The following DNAJC1 variants were observed in gnomAD, a reference collection of about 807,000 sequenced individuals.
DNAJC1 encodes DnaJ heat shock protein family (Hsp40) member C1, also known as dnaJ homolog subfamily C member 1.
Under a neutral mutation model 76.6 loss-of-function variants are expected in DNAJC1, and 58 were observed. That is an observed-to-expected ratio of 0.76 (90% CI 0.61 to 0.94). The LOEUF is 0.94. DNAJC1 is among the 40% of genes least tolerant of loss of function. The pLI, the probability that DNAJC1 is intolerant of heterozygous loss-of-function variation, is 0.00. For missense variants in DNAJC1, 689 were observed against 677.3 expected (o/e 1.02, Z -0.19); for synonymous variants, 258 against 267.9 (o/e 0.96, Z 0.36).
intron 8 of DNAJC1, among the ~76,000 whole-genome samples, chr10:21,837,569 T>A (rs561652217): frequency 1.3e-5 from 2 of 149,774 alleles, no homozygotes; most frequent in South Asian, 2.1e-4. Flanking sequence ...CGCGACCCCA[T>A]ATGGGAGGTG....
chr10:21,878,184 G>T (rs992101800), intron 8 of DNAJC1, among the ~76,000 whole-genome samples: 1 of 152,072 alleles, frequency 6.6e-6, no homozygotes, highest in Non-Finnish European at 1.5e-5. Context: ...GTTATTCAAG[G>T]TTTACAGTAT....
intron 8 of DNAJC1, among the ~76,000 whole-genome samples, chr10:21,859,245 G>A (rs908786210): frequency 1.3e-5 from 2 of 152,106 alleles, no homozygotes; most frequent in Non-Finnish European, 2.9e-5. Context: ...TACTAATGCC[G>A]ATTGAGCCAT....
intron 9 of DNAJC1, among the ~76,000 whole-genome samples, chr10:21,771,457 T>G (rs527438808): frequency 6.6e-6 from 1 of 152,300 alleles, no homozygotes; most frequent in Admixed American, 6.5e-5. Flanking sequence ...TTATTCCTAG[T>G]CTGCTGAGTG....
chr10:21,896,385 C>T (rs1836543106), intron 7 of DNAJC1, among the ~76,000 whole-genome samples: 1 of 152,194 alleles, frequency 6.6e-6, no homozygotes, highest in Non-Finnish European at 1.5e-5. Flanking sequence ...TCTCAGGCCT[C>T]AAAAATTAAT....
At chr10:21,818,607 G>C (rs1479459844) in intron 8 of DNAJC1, among the ~76,000 whole-genome samples, 1 of 152,084 alleles carries the variant, frequency 6.6e-6, no homozygotes. Flanking sequence ...GCCGACATGT[G>C]ATGTCTCCCC....
intron 1 of DNAJC1, among the ~76,000 whole-genome samples, chr10:21,998,345 G>A (rs1316387384): frequency 5.6e-5 from 8 of 142,158 alleles, no homozygotes; most frequent in African/African-American, 8.0e-5. Flanking sequence ...AGCCAAGATC[G>A]CGCCACTGCA....
intron 9 of DNAJC1, among the ~76,000 whole-genome samples, chr10:21,794,284 A>AAGAG (rs746061760): frequency 2.0e-5 from 3 of 149,514 alleles, no homozygotes; most frequent in Non-Finnish European, 4.4e-5. Context: ...AAAAAAAAAA[A>AAGAG]AGAGAGAGAG....
rs767001898 is a variant in DNAJC1, at chr10:22,003,326, G to A, written c.109C>T (p.Leu37=). 5.9e-6 allele frequency: 9 copies of A among 1,518,270 alleles called. No individual in the cohort carries two copies. The allele number at this position is 1,518,270 out of a possible 1,614,324, so 94.0% of individuals were successfully genotyped here. A position where few individuals can be genotyped will look rare whatever the true frequency, so the allele number is the denominator to read the frequency against. The change falls in exon 1 of 12, where the codon CTG becomes TTG. Residue 37 remains leucine (L), a synonymous_variant. Coordinates refer to ENST00000376980, the MANE Select transcript of DNAJC1 (RefSeq NM_022365.4). ...GCCGGCGCCACGGCGGCCAGCAGCA[G>A]CAGCAGCAGCCACAGCAGCGGCGTC... ...PRTPLLWLLL[L]LLAAVAPARG... is the part of the protein sequence containing the mutation.
chr10:21,980,357 C>A (rs747967681), intron 1 of DNAJC1, among the ~76,000 whole-genome samples: 15 of 152,078 alleles, frequency 9.9e-5, no homozygotes, highest in Non-Finnish European at 1.9e-4. Flanking sequence ...ATATGGATAT[C>A]ATGTGCCTCC....
At chr10:21,809,958 G>A (rs1312307692) in intron 8 of DNAJC1, among the ~76,000 whole-genome samples, 1 of 151,580 alleles carries the variant, frequency 6.6e-6, no homozygotes, top group African/African-American at 2.4e-5. Context: ...GTGTATGTGT[G>A]TGGCGGGGTG....
At chr10:21,782,279 T>C (rs1834541771) in intron 9 of DNAJC1, among the ~76,000 whole-genome samples, 1 of 152,144 alleles carries the variant, frequency 6.6e-6, no homozygotes, top group African/African-American at 2.4e-5. Context: ...GCAAATAAAC[T>C]AGAAAATCTA....
chr10:21,777,379 A>C (rs1446627218), intron 9 of DNAJC1, among the ~76,000 whole-genome samples: 1 of 152,220 alleles, frequency 6.6e-6, no homozygotes, highest in African/African-American at 2.4e-5. Flanking sequence ...TGCCTTAATG[A>C]ATCACTAAAG....
At chr10:21,855,047 G>A (rs905836901) in intron 8 of DNAJC1, among the ~76,000 whole-genome samples, 2 of 152,098 alleles carry the variant, frequency 1.3e-5, no homozygotes, top group Non-Finnish European at 2.9e-5. Context: ...AATTCTTCTA[G>A]AAAATCATCT....
chr10:21,971,876 A>G (rs183024302), intron 1 of DNAJC1, among the ~76,000 whole-genome samples: 2 of 151,964 alleles, frequency 1.3e-5, no homozygotes, highest in African/African-American at 2.4e-5. Flanking sequence ...ACATGATTGA[A>G]TGTGTCATGT....
intron 7 of DNAJC1, among the ~76,000 whole-genome samples, chr10:21,885,059 G>A (rs1014039513): frequency 2.0e-5 from 3 of 151,976 alleles, no homozygotes; most frequent in Non-Finnish European, 4.4e-5. Flanking sequence ...CCACTTAAAA[G>A]TCACAGAGTG....
intron 1 of DNAJC1, among the ~76,000 whole-genome samples, chr10:21,958,912 G>C (rs998415937): frequency 7.9e-5 from 12 of 151,960 alleles, no homozygotes; most frequent in African/African-American, 2.9e-4. Context: ...GAATATAACA[G>C]AGCTCCTTCT....
intron 1 of DNAJC1, among the ~76,000 whole-genome samples, chr10:21,978,517 G>A (rs773856388): frequency 6.6e-6 from 1 of 152,112 alleles, no homozygotes; most frequent in African/African-American, 2.4e-5. Flanking sequence ...CACAGGCCTA[G>A]TATTTACAGA....
chr10:21,880,765 A>G (rs1440035123), intron 8 of DNAJC1, among the ~76,000 whole-genome samples: 1 of 152,184 alleles, frequency 6.6e-6, no homozygotes, highest in East Asian at 1.9e-4. Flanking sequence ...TAGGATTTTC[A>G]GAATGATAAA....
Position 21,975,315 on chromosome 10 carries a change from C to CAATAAATA in DNAJC1, c.222+27890_222+27897dup, listed in dbSNP as rs944741041. On this transcript the variant is annotated intron_variant, in intron 1 of 11. Coordinates refer to ENST00000376980, the MANE Select transcript of DNAJC1 (RefSeq NM_022365.4). ...ATGAATATGAGAAAAAAATAAGCTGCAATAAATAAATAAATAAATAAATGA... is the reference window on the plus strand; with the variant it reads ...ATGAATATGAGAAAAAAATAAGCTGCAATAAATAAATAAATAAATAAATAAATAAATGA... Among the ~76,000 whole-genome samples the CAATAAATA allele has an allele frequency of 9.3e-5, 14 of 151,098 alleles. 1 individual carries two copies. Among genetic ancestry groups the CAATAAATA allele is most frequent in the Non-Finnish European group, 1.6e-4 (11 of 67,812 alleles).
Sources: allele counts gnomAD v4.1 joint callset (sites outside exome capture counted in the v4.1 genomes callset), GRCh38; gene constraint gnomAD v4.1.1; transcripts MANE v1.5; gene names NCBI Gene and HGNC (gene_info 2026-07-23, HGNC 2026-07-21).